Variants in DCAKD observed in about 807,000 individuals in gnomAD.
The protein encoded by DCAKD is dephospho-CoA kinase domain containing.
A neutral mutation model predicts 18.7 loss-of-function variants in DCAKD; 15 were observed. The ratio of observed to expected loss-of-function variants is 0.80; its 90% CI spans 0.54 to 1.24. The LOEUF (loss-of-function observed/expected upper bound fraction) is 1.24. Among genes scored for constraint, DCAKD ranks in the 50% most tolerant of loss-of-function variants. The pLI is 0.00. For missense variants in DCAKD, 301 were observed against 322.0 expected, an observed-to-expected ratio of 0.93 and a Z score of 0.50; for synonymous variants, 130 against 133.0, an observed-to-expected ratio of 0.98 and a Z score of 0.16.
Position 45,034,454 on chromosome 17 carries a change from T to A in DCAKD, c.113-64A>T, listed in dbSNP as rs1184503943. The A allele has an allele frequency of 2.5e-6, 4 of 1,573,202 alleles. No homozygotes were observed. The African/African-American group carries it at 4.1e-5, about 16-fold the overall frequency. On this transcript the variant is annotated intron_variant, in intron 2 of 4. Transcript: ENST00000651974. ...CTCAGGGCCAGTCAGAGGACCTCAG[T>A]GACCAGGGGCAAAATGATGGGGGAA...
chr17:45,035,711 C>T (rs2053281818), intron 1 of DCAKD, among the ~76,000 whole-genome samples: 1 of 152,088 alleles, frequency 6.6e-6, no homozygotes. Flanking sequence ...GTCTAGGAGA[C>T]TGAGGCTCAA....
chr17:45,049,410 C>G (rs1398072496), intron 1 of DCAKD, among the ~76,000 whole-genome samples: 6 of 150,886 alleles, frequency 4.0e-5, no homozygotes, highest in Non-Finnish European at 8.8e-5. Flanking sequence ...GCTTGAGCAA[C>G]AGAGCAAGAT....
chr17:45,049,623 C>T (rs2053644724), intron 1 of DCAKD, among the ~76,000 whole-genome samples: 1 of 151,302 alleles, frequency 6.6e-6, no homozygotes, highest in South Asian at 2.1e-4. Flanking sequence ...AACTTTTATC[C>T]TCTGTAATCT....
At chr17:45,058,348 T>C (rs2053809706) in intron 1 of DCAKD, among the ~76,000 whole-genome samples, 1 of 152,050 alleles carries the variant, frequency 6.6e-6, no homozygotes, top group South Asian at 2.1e-4. Flanking sequence ...ACACAAAATA[T>C]CTTTTTATCT....
In DCAKD at chr17:45,030,173, C is replaced by T. The variant is rs1288421229; in HGVS notation, c.323G>A (p.Arg108His). ...ETFKYFLRGY[R>H]YVILDIPLLF... is the part of the protein sequence containing the mutation. The stretch of plus-strand genomic sequence containing the variant: ...CAGGGGGATATCCAGAATCACGTAG[C>T]GGTATCCTGGGGAGAGGTTGGAAAT... Residue 108 changes from arginine to histidine, a missense_variant, in exon 4 of 5, where the codon CGC (arginine) becomes CAC (histidine). By Grantham distance (29) the Arg-to-His change is conservative. Coordinates refer to ENST00000651974, the MANE Select transcript of DCAKD (RefSeq NM_001288655.2). 6.8e-6 allele frequency: 11 copies of T among 1,613,832 alleles called. No individual in the cohort carries two copies. The highest frequency in any genetic ancestry group is 2.2e-5 in the East Asian group (1 of 44,888).
intron 1 of DCAKD, among the ~76,000 whole-genome samples, chr17:45,059,561 T>A (rs1197673026): frequency 6.6e-6 from 1 of 152,170 alleles, no homozygotes; most frequent in Non-Finnish European, 1.5e-5. Context: ...CAATCAAGGT[T>A]AAAAACAGAT....
rs1404546443 is a variant in DCAKD at position 45,034,302 on chromosome 17, C to T, written c.201G>A (p.Lys67=). The T allele has an allele frequency of 6.2e-7, 1 of 1,614,190 alleles. No homozygotes were observed. Among genetic ancestry groups the T allele is most frequent in the Admixed American group, 1.7e-5 (1 of 60,032 alleles). The stretch of plus-strand genomic sequence containing the variant: ...GGTTAAAGATCAGGTCCCCCAGGAC[C>T]TTGCGATTTATGTCGCCGTTCTCCA... ...VLLENGDINR[K]VLGDLIFNQP... is the part of the protein sequence containing the mutation. The change falls in exon 3 of 5, where the codon AAG becomes AAA. Residue 67 remains lysine, a synonymous_variant. Transcript: ENST00000651974.
rs770316117 is a variant in DCAKD, at chr17:45,024,583, C to A, written c.546G>T (p.Trp182Cys). ...GGATGACCTGGCGTTTGGTGACACT[C>A]CACTCGCCCGAGTTGTCTAGGACAT... ...ARHVLDNSGE[W>C]SVTKRQVILL... Residue 182 changes from tryptophan (W) to cysteine (C), a missense_variant, in exon 5 of 5, where the codon TGG (tryptophan) becomes TGT (cysteine). Physicochemically the swap from Trp to Cys is radical, Grantham distance 215. Transcript: ENST00000651974. 4 of 1,614,088 alleles carry A rather than the reference C, an allele frequency of 2.5e-6. No individual in the cohort carries two copies. In the African/African-American group the frequency reaches 5.3e-5, roughly 22 times the overall value.
At chr17:45,043,850 G>A (rs561996629) in intron 1 of DCAKD, among the ~76,000 whole-genome samples, 16 of 151,928 alleles carry the variant, frequency 1.1e-4, no homozygotes, top group East Asian at 3.9e-4. Flanking sequence ...CAAAAGCCTC[G>A]GAATCCTCCT....
Position 45,024,350 on chromosome 17 carries a change from T to G in DCAKD, c.*83A>C. ...GTGTGTGTGTGTGTGGGGAGGGGGCTGAGAGGAAACAGGATGTGTTACCTG... is the reference window on the plus strand; with the variant it reads ...GTGTGTGTGTGTGTGGGGAGGGGGCGGAGAGGAAACAGGATGTGTTACCTG... On this transcript the variant is annotated 3_prime_UTR_variant, in exon 5 of 5. Transcript: ENST00000651974. 1.6e-6 allele frequency: 2 copies of G among 1,214,768 alleles called. No homozygotes were observed. The highest frequency in any genetic ancestry group is 2.3e-6 in the Non-Finnish European group (2 of 872,648). 75.2% of individuals were successfully genotyped at this position (1,214,768 alleles called of 1,614,324 possible).
intron 3 of DCAKD, 111 bp downstream of exon 3, chr17:45,034,076 C>T: frequency 6.2e-7 from 1 of 1,600,184 alleles, no homozygotes. Context: ...GCAGTATGAA[C>T]TCATCAGCTG....
chr17:45,052,707 A>AAC (rs1567853319), upstream of DCAKD, among the ~76,000 whole-genome samples: 1 of 151,608 alleles, frequency 6.6e-6, no homozygotes, highest in African/African-American at 2.4e-5. Flanking sequence ...AAAAAAAAAA[A>AAC]CAAAAAACAA....
At chr17:45,043,208 A>G (rs966215018) in intron 1 of DCAKD, among the ~76,000 whole-genome samples, 11 of 151,444 alleles carry the variant, frequency 7.3e-5, no homozygotes, top group Non-Finnish European at 1.5e-5. Flanking sequence ...GTGAGCTGAG[A>G]TCGCGCCACT....
At chr17:45,033,135 C>A (rs2053207901) in intron 3 of DCAKD, among the ~76,000 whole-genome samples, 1 of 152,250 alleles carries the variant, frequency 6.6e-6, no homozygotes. Flanking sequence ...TGCTTGAGGC[C>A]AGGAGTTTGA....
At chr17:45,037,959 G>C (rs1244884710) in intron 1 of DCAKD, among the ~76,000 whole-genome samples, 2 of 146,372 alleles carry the variant, frequency 1.4e-5, no homozygotes, top group South Asian at 4.4e-4. Flanking sequence ...AGTAGAGATG[G>C]GGTTTCACCA....
At chr17:45,031,202 C>G (rs2053165138) in intron 3 of DCAKD, 1 of 985,258 alleles carries the variant, frequency 1.0e-6, no homozygotes, top group Admixed American at 6.2e-5. Context: ...TCACGGGAAA[C>G]TTGCACTCAA....
chr17:45,049,763 A>G (rs1371045681), intron 1 of DCAKD, among the ~76,000 whole-genome samples: 1 of 122,642 alleles, frequency 8.2e-6, no homozygotes, highest in Non-Finnish European at 1.6e-5. Flanking sequence ...CTTGTCACCC[A>G]GGCTGGAGTG....
intron 1 of DCAKD, among the ~76,000 whole-genome samples, chr17:45,038,828 A>G (rs111899642): frequency 6.6e-6 from 1 of 152,108 alleles, no homozygotes; most frequent in Non-Finnish European, 1.5e-5. Flanking sequence ...CGGGTCCCCA[A>G]CTTAAAAGGG....
At chr17:45,042,423 G>T (rs770869854) in intron 1 of DCAKD, among the ~76,000 whole-genome samples, 5 of 152,078 alleles carry the variant, frequency 3.3e-5, no homozygotes, top group Non-Finnish European at 4.4e-5. Flanking sequence ...CAACAGACCC[G>T]CCCCTGCGTG....
Sources: gnomAD v4.1 joint callset for allele counts (sites outside exome capture counted in the v4.1 genomes callset) on GRCh38, gnomAD v4.1.1 for gene constraint, MANE v1.5 for transcripts, NCBI Gene and HGNC (gene_info 2026-07-23, HGNC 2026-07-21) for gene names.